C1orf87: variants seen among roughly 807,000 people sequenced by gnomAD.
C1orf87 encodes the protein chromosome 1 open reading frame 87.
Under a neutral mutation model 60.5 loss-of-function variants are expected in C1orf87, and 58 were observed. The observed-to-expected ratio is 0.96, with a 90% CI of 0.78 to 1.19. The LOEUF (loss-of-function observed/expected upper bound fraction) is 1.19, where lower values mean the gene tolerates loss of function less well. C1orf87 is among the 50% of genes most tolerant of loss of function. The pLI, the probability that C1orf87 is intolerant of heterozygous loss-of-function variation, is 0.00. For missense variants in C1orf87, 673 were observed against 638.6 expected (o/e 1.05, Z -0.58); for synonymous variants, 236 against 227.4 (o/e 1.04, Z -0.34).
At chr1:60,065,095 A>G (rs1441726040) in intron 2 of C1orf87, among the ~76,000 whole-genome samples, 12 of 93,354 alleles carry the variant, frequency 1.3e-4, no homozygotes, top group African/African-American at 3.5e-4. Context: ...TCTGCCCCCT[A>G]GAGAACCCTG....
chr1:60,023,342 G>C (rs1173820786), intron 8 of C1orf87, among the ~76,000 whole-genome samples: 1 of 151,964 alleles, frequency 6.6e-6, no homozygotes, highest in Non-Finnish European at 1.5e-5. Flanking sequence ...TTAGGCTGCT[G>C]GTGTCACAAG....
chr1:60,036,635 A>C lies in C1orf87; in HGVS notation c.863+1357T>G, dbSNP rs145682727. Among the ~76,000 whole-genome samples the C allele has an allele frequency of 5.3e-5, 8 of 152,332 alleles. No individual in the cohort carries two copies. In the East Asian group the frequency reaches 1.5e-3, roughly 29 times the overall value. On this transcript the variant is annotated intron_variant, in intron 6 of 11. Coordinates refer to ENST00000371201, the MANE Select transcript of C1orf87 (RefSeq NM_152377.3). ...ATGGAACCACAGAGAAGTTAAGTGA[A>C]ATGCCAAGGTCACATAGCCCCAGAG... is the stretch of plus-strand genomic sequence containing the variant.
chr1:60,011,129 G>C (rs1473875265), intron 8 of C1orf87, among the ~76,000 whole-genome samples: 1 of 152,042 alleles, frequency 6.6e-6, no homozygotes, highest in Non-Finnish European at 1.5e-5. Flanking sequence ...GAACACAATA[G>C]TCAGTGAATT....
chr1:60,065,194 G>T (rs79938027), intron 2 of C1orf87, among the ~76,000 whole-genome samples: 1,896 of 149,940 alleles, frequency 0.013, 34 homozygotes, highest in African/African-American at 0.044. Flanking sequence ...AAGTGCCATC[G>T]GTTTGTAACA....
At chr1:60,020,010 G>A (rs781315315) in intron 8 of C1orf87, among the ~76,000 whole-genome samples, 1 of 152,200 alleles carries the variant, frequency 6.6e-6, no homozygotes, top group African/African-American at 2.4e-5. Flanking sequence ...CATTTTCTGG[G>A]GAGAAAGTCA....
Position 60,055,233 on chromosome 1 carries a change from C to T in C1orf87, c.313G>A (p.Ala105Thr). Residue 105 changes from alanine (A) to threonine (T), a missense_variant, in exon 3 of 12, where the codon GCA becomes ACA. Ala to Thr is a moderately conservative substitution (Grantham distance 58). Transcript: ENST00000371201. ...SENNQKLLTG[A>T]NSSRFLDGNI... ...CCATCCAGGAATCTGCTACTGTTTG[C>T]CCCTGTTAGTAGTTTCTGGTTGTTT... is the stretch of plus-strand genomic sequence containing the variant. The T allele has an allele frequency of 6.2e-7, 1 of 1,613,994 alleles. No individual in the cohort carries two copies. The highest frequency in any genetic ancestry group is 8.5e-7 in the Non-Finnish European group (1 of 1,179,940).
chr1:59,994,238 T>C (rs1360750472), intron 11 of C1orf87, among the ~76,000 whole-genome samples: 8 of 151,650 alleles, frequency 5.3e-5, no homozygotes, highest in Admixed American at 5.3e-4. Context: ...CAACAATGGG[T>C]GGAGTCTGGA....
chr1:59,995,448 A>G (rs1222259661), intron 11 of C1orf87, among the ~76,000 whole-genome samples: 1 of 152,116 alleles, frequency 6.6e-6, no homozygotes, highest in Non-Finnish European at 1.5e-5. Context: ...CCTATCCCTT[A>G]GGGTTCATAA....
intron 2 of C1orf87, among the ~76,000 whole-genome samples, chr1:60,069,486 A>T (rs1037410752): frequency 6.7e-5 from 9 of 134,892 alleles, no homozygotes; most frequent in Middle Eastern, 7.9e-3. Flanking sequence ...GAGGAAGATG[A>T]TGATGGCACA....
intron 6 of C1orf87, 64 bp downstream of exon 6, chr1:60,037,928 T>C: frequency 9.3e-7 from 1 of 1,074,228 alleles, no homozygotes; most frequent in Non-Finnish European, 1.4e-6. Flanking sequence ...GGTACTTTTT[T>C]ATAGCAGCCC....
chr1:60,003,828 A>T (rs977764044), intron 9 of C1orf87, among the ~76,000 whole-genome samples: 1 of 152,070 alleles, frequency 6.6e-6, no homozygotes, highest in Non-Finnish European at 1.5e-5. Flanking sequence ...CATTTTTCCA[A>T]ATTCTTTTCC....
intron 9 of C1orf87, among the ~76,000 whole-genome samples, chr1:60,003,488 A>C (rs950812738): frequency 6.6e-6 from 1 of 152,142 alleles, no homozygotes; most frequent in East Asian, 1.9e-4. Context: ...AAAATCACAA[A>C]AAAAAAGAAA....
At chr1:60,012,208 C>A (rs1301417385) in intron 8 of C1orf87, among the ~76,000 whole-genome samples, 4 of 151,062 alleles carry the variant, frequency 2.6e-5, no homozygotes, top group Non-Finnish European at 5.9e-5. Context: ...ACAACAACAA[C>A]AACAAAAACC....
At position 59,997,722 on chromosome 1, in the gene C1orf87, G is replaced by T. The variant is rs770427497; in HGVS notation, c.1367C>A (p.Ser456Tyr). ...CACAGCTGGATTCACGAAGGGCTGG[G>T]AGACTGGCCTGATCTTTAAAGGTTT... ...PLKPLKIRPV[S>Y]QPFVNPAVKN... Residue 456 changes from serine to tyrosine, a missense_variant, in exon 11 of 12, where the codon TCC (serine) becomes TAC (tyrosine). Ser to Tyr is a moderately radical substitution (Grantham distance 144, BLOSUM62 -2). Coordinates refer to ENST00000371201, the MANE Select transcript of C1orf87 (RefSeq NM_152377.3). The T allele has an allele frequency of 1.2e-6, 2 of 1,613,984 alleles. No individual in the cohort carries two copies. The highest frequency in any genetic ancestry group is 3.3e-5 in the Admixed American group (2 of 60,008).
chr1:60,032,017 C>T (rs1645241597), intron 7 of C1orf87, among the ~76,000 whole-genome samples: 2 of 152,106 alleles, frequency 1.3e-5, no homozygotes, highest in Admixed American at 6.6e-5. Flanking sequence ...CACACACACA[C>T]ACACAGAGTT....
At chr1:60,043,960 G>A (rs1052955104) in intron 3 of C1orf87, among the ~76,000 whole-genome samples, 5 of 152,130 alleles carry the variant, frequency 3.3e-5, no homozygotes, top group African/African-American at 7.2e-5. Flanking sequence ...AATGAACAAG[G>A]CAGGTGTGAC....
chr1:60,033,540 T>C lies in C1orf87; in HGVS notation c.965A>G (p.Asp322Gly), dbSNP rs753679967. Reference protein sequence around the residue: ...LRTTNGRLNIDNLNLSFRKED... With the variant: ...LRTTNGRLNIGNLNLSFRKED... ...TTTTCGAAAACTCAGATTGAGATTG[T>C]CTATGTTGAGTCTGCCATTGGTTGT... is the stretch of plus-strand genomic sequence containing the variant. The change falls in exon 7 of 12, where the codon GAC (aspartate) becomes GGC (glycine). Residue 322 changes from aspartate (D) to glycine (G), a missense_variant. Coordinates refer to ENST00000371201, the MANE Select transcript of C1orf87 (RefSeq NM_152377.3). 4 of 1,613,990 alleles carry C rather than the reference T, an allele frequency of 2.5e-6. No individual in the cohort carries two copies. The highest frequency in any genetic ancestry group is 2.2e-5 in the South Asian group (2 of 91,008).
At chr1:60,029,751 C>A (rs1384479818) in intron 7 of C1orf87, among the ~76,000 whole-genome samples, 1 of 150,852 alleles carries the variant, frequency 6.6e-6, no homozygotes, top group East Asian at 2.0e-4. Flanking sequence ...AGTGATTCTC[C>A]TGCCTCAGCC....
chr1:60,053,589 T>C (rs1226335610), intron 3 of C1orf87, among the ~76,000 whole-genome samples: 1 of 139,162 alleles, frequency 7.2e-6, no homozygotes, highest in Non-Finnish European at 1.6e-5. Context: ...TTTGATATGA[T>C]ATGAAGTGAA....
Sources: allele counts gnomAD v4.1 joint callset (sites outside exome capture counted in the v4.1 genomes callset), GRCh38; gene constraint gnomAD v4.1.1; transcripts MANE v1.5; gene names NCBI Gene and HGNC (gene_info 2026-07-23, HGNC 2026-07-21).